Variants in PLEKHA7 observed in about 807,000 individuals in gnomAD.
PLEKHA7 encodes the protein pleckstrin homology domain containing A7.
PLEKHA7 carries 104 observed loss-of-function variants against 170.0 expected under a neutral mutation model. That is an observed-to-expected ratio of 0.61 (90% confidence interval 0.52 to 0.72). The LOEUF (loss-of-function observed/expected upper bound fraction) is 0.72. Ranked by LOEUF, PLEKHA7 falls within the 30% of genes least tolerant of loss-of-function variation. The probability of loss-of-function intolerance (pLI) is 0.00; values close to 1 mark genes in which losing one functional copy is unlikely to be tolerated. For synonymous variants in PLEKHA7, 648 were observed against 660.8 expected, an observed-to-expected ratio of 0.98 and a Z score of 0.30; for missense variants, 1,615 against 1,671.7, an observed-to-expected ratio of 0.97 and a Z score of 0.59.
chr11:16,932,278 C>CG (rs1554975233), intron 3 of PLEKHA7, among the ~76,000 whole-genome samples: 1 of 139,500 alleles, frequency 7.2e-6, no homozygotes, highest in South Asian at 2.2e-4. Context: ...TTATTCATTC[C>CG]TTTTTTTTTT....
At chr11:16,819,183 C>T (rs1359073616) in intron 10 of PLEKHA7, among the ~76,000 whole-genome samples, 10 of 151,946 alleles carry the variant, frequency 6.6e-5, no homozygotes, top group African/African-American at 9.7e-5. Context: ...CTGCAACCTC[C>T]GCCTCCCGAG....
chr11:16,934,968 A>G (rs1416471674), intron 3 of PLEKHA7, among the ~76,000 whole-genome samples: 1 of 152,214 alleles, frequency 6.6e-6, no homozygotes, highest in Non-Finnish European at 1.5e-5. Context: ...ATTTCTGGGG[A>G]AAGTAGGTGA....
chr11:16,789,159 C>T lies in PLEKHA7; in HGVS notation c.3294G>A (p.Gly1098=). The T allele has an allele frequency of 6.2e-7, 1 of 1,611,920 alleles. No homozygotes were observed. The highest frequency in any genetic ancestry group is 8.5e-7 in the Non-Finnish European group (1 of 1,180,012). The part of the protein sequence containing the change: ...VRERKRTLGQ[G]ERTGLPSSRY... ...GAGATGAGGGCAGGCCCGTCCTCTCCCCTTGGCCCAGTGTCCTCTTGCGCT... is the reference window on the plus strand; with the variant it reads ...GAGATGAGGGCAGGCCCGTCCTCTCTCCTTGGCCCAGTGTCCTCTTGCGCT... The change falls in exon 23 of 27, where the codon GGG becomes GGA. Residue 1098 remains glycine (G), a synonymous_variant. Transcript: ENST00000531066. The surrounding 1 kb of genome is among the most constrained non-coding windows in gnomAD (Gnocchi z 4.6).
intron 3 of PLEKHA7, among the ~76,000 whole-genome samples, chr11:16,996,541 G>A (rs1047784854): frequency 2.0e-5 from 3 of 152,212 alleles, no homozygotes; most frequent in African/African-American, 7.2e-5. Context: ...GGATGGGAGA[G>A]CCGGGAAATG....
chr11:16,990,287 A>AAAAAAAAAAAAAAAC (rs1554992439), intron 3 of PLEKHA7, among the ~76,000 whole-genome samples: 17 of 111,246 alleles, frequency 1.5e-4, no homozygotes, highest in Admixed American at 3.3e-4. Flanking sequence ...AAAAAAAAAA[A>AAAAAAAAAAAAAAAC]AAAAAAAAAA....
chr11:16,994,601 G>C (rs1294475287), intron 3 of PLEKHA7, among the ~76,000 whole-genome samples: 1 of 152,050 alleles, frequency 6.6e-6, no homozygotes, highest in Non-Finnish European at 1.5e-5. Flanking sequence ...AGCCCTGCTG[G>C]GACCCCTCCC....
intron 3 of PLEKHA7, among the ~76,000 whole-genome samples, chr11:17,006,480 T>G (rs1865000629): frequency 1.4e-5 from 2 of 144,418 alleles, no homozygotes; most frequent in African/African-American, 2.6e-5. Flanking sequence ...TACAAAAAAA[T>G]AGCCAGGCAT....
At position 16,789,134 on chromosome 11, in the gene PLEKHA7, G is replaced by A. The variant is rs200963608; in HGVS notation, c.3319C>T (p.Arg1107Cys). 1.3e-5 allele frequency: 21 copies of A among 1,608,898 alleles called. No individual in the cohort carries two copies. Among genetic ancestry groups the A allele is most frequent in the South Asian group, 8.8e-5 (8 of 91,072 alleles). Reference sequence around the variant, plus strand: ...CCAGGGAGCGGCCGGCTGAGGTAGCGAGATGAGGGCAGGCCCGTCCTCTCC... The same window carrying A: ...CCAGGGAGCGGCCGGCTGAGGTAGCAAGATGAGGGCAGGCCCGTCCTCTCC... The part of the protein sequence containing the change: ...QGERTGLPSS[R>C]YLSRPLPGDL... The change falls in exon 23 of 27, where the codon CGC becomes TGC. Residue 1107 changes from arginine to cysteine, a missense_variant. Physicochemically the swap from Arg to Cys is radical, Grantham distance 180. Transcript: ENST00000531066. This position sits in a 1 kb window ranked among gnomAD's most constrained non-coding sequence, Gnocchi z 4.6.
intron 3 of PLEKHA7, among the ~76,000 whole-genome samples, chr11:16,969,519 T>C (rs1404850228): frequency 6.6e-6 from 1 of 152,136 alleles, no homozygotes; most frequent in Non-Finnish European, 1.5e-5. Context: ...CAATTCTACA[T>C]ATTGCAATAT....
At chr11:16,980,767 C>CA (rs967380699) in intron 3 of PLEKHA7, among the ~76,000 whole-genome samples, 3 of 151,902 alleles carry the variant, frequency 2.0e-5, no homozygotes, top group Non-Finnish European at 2.9e-5. Context: ...ACTAAAAATA[C>CA]AAAAAAATTA....
At chr11:16,900,494 G>T (rs575899377) in intron 3 of PLEKHA7, among the ~76,000 whole-genome samples, 4 of 152,176 alleles carry the variant, frequency 2.6e-5, no homozygotes, top group Admixed American at 6.5e-5. Flanking sequence ...TGGAACAAAT[G>T]ACCTACAGCA....
chr11:16,879,423 T>G (rs1855545501), intron 3 of PLEKHA7, among the ~76,000 whole-genome samples: 1 of 152,154 alleles, frequency 6.6e-6, no homozygotes, highest in South Asian at 2.1e-4. Context: ...GCACCATGCA[T>G]CACAGAGCCC....
At chr11:16,853,295 C>T (rs965652920) in intron 6 of PLEKHA7, among the ~76,000 whole-genome samples, 1 of 152,188 alleles carries the variant, frequency 6.6e-6, no homozygotes, top group Non-Finnish European at 1.5e-5. Context: ...AACTGAAATA[C>T]AGCATAAGGA....
chr11:16,969,698 G>A (rs6416171), intron 3 of PLEKHA7, among the ~76,000 whole-genome samples: 110,543 of 151,978 alleles, frequency 0.73, 40,465 homozygotes, highest in East Asian at 0.87. Context: ...CTGGGAGAGT[G>A]AGCATTTCTC....
At chr11:16,832,840 A>C (rs1851222387) in intron 9 of PLEKHA7, among the ~76,000 whole-genome samples, 1 of 152,126 alleles carries the variant, frequency 6.6e-6, no homozygotes, top group Non-Finnish European at 1.5e-5. Context: ...CAGATGATGA[A>C]GTCTTGCCAT....
intron 3 of PLEKHA7, among the ~76,000 whole-genome samples, chr11:16,941,245 A>C (rs982266744): frequency 2.0e-5 from 3 of 152,220 alleles, no homozygotes; most frequent in Non-Finnish European, 4.4e-5. Flanking sequence ...CAGAGCTGGA[A>C]GCAATCCACA....
intron 3 of PLEKHA7, among the ~76,000 whole-genome samples, chr11:16,974,483 T>G (rs1438221672): frequency 6.6e-6 from 1 of 152,136 alleles, no homozygotes; most frequent in African/African-American, 2.4e-5. Context: ...GCTAATCTTC[T>G]TGTTCAGAGA....
At chr11:16,779,515 A>G (rs970802157) in intron 26 of PLEKHA7, among the ~76,000 whole-genome samples, 7 of 152,304 alleles carry the variant, frequency 4.6e-5, no homozygotes, top group Middle Eastern at 3.4e-3. Context: ...TCTGTGACTG[A>G]GCGCTGTTAC....
chr11:16,897,235 C>A (rs931249794), intron 3 of PLEKHA7, among the ~76,000 whole-genome samples: 2 of 152,114 alleles, frequency 1.3e-5, no homozygotes, highest in South Asian at 4.1e-4. Context: ...ACAGCAAATT[C>A]TTTGTTCTTT....
Sources: allele counts gnomAD v4.1 joint callset (sites outside exome capture counted in the v4.1 genomes callset), GRCh38; gene constraint gnomAD v4.1.1; non-coding constraint Gnocchi (gnomAD v3.1); transcripts MANE v1.5; gene names NCBI Gene and HGNC (gene_info 2026-07-23, HGNC 2026-07-21).